SLC11A2: variants seen among roughly 807,000 people sequenced by gnomAD.
The protein encoded by SLC11A2 is solute carrier family 11 member 2.
Under a neutral mutation model 68.0 loss-of-function variants are expected in SLC11A2, and 38 were observed. The observed-to-expected ratio is 0.56, with a 90% confidence interval of 0.43 to 0.73. SLC11A2 has a LOEUF of 0.73. Ranked by LOEUF, SLC11A2 falls within the 30% of genes least tolerant of loss-of-function variation. The pLI is 0.00. For missense variants in SLC11A2, 517 were observed against 690.5 expected, an observed-to-expected ratio of 0.75 and a Z score of 2.82; for synonymous variants, 242 against 250.6, an observed-to-expected ratio of 0.97 and a Z score of 0.32.
chr12:50,954,435 A>G, the SLC11A2 span: 1 of 192,364 alleles, frequency 5.2e-6, no homozygotes, highest in Admixed American at 5.7e-5. Flanking sequence ...TCAGTTTATT[A>G]TATTTAAAGC....
At chr12:51,005,066 T>C (rs1337434223) in intron 4 of SLC11A2, among the ~76,000 whole-genome samples, 159 bp from the exon 5 acceptor site, 1 of 152,268 alleles carries the variant, frequency 6.6e-6, no homozygotes. Context: ...ATTTTGCACA[T>C]GACCTGCTAA....
intron 2 of SLC11A2, chr12:51,009,055 GA>G: frequency 3.1e-6 from 3 of 966,642 alleles, no homozygotes; most frequent in Admixed American, 2.0e-5. Context: ...GCTTTTAAAA[GA>G]AAAGAACTAG....
chr12:50,969,809 GAC>G, the SLC11A2 span, among the ~76,000 whole-genome samples: 1 of 152,058 alleles, frequency 6.6e-6, no homozygotes, highest in Non-Finnish European at 1.5e-5. Flanking sequence ...TGATAACTGA[GAC>G]AGGTATGGGC....
At chr12:50,983,736 G>T (rs1940277337), downstream of SLC11A2, among the ~76,000 whole-genome samples, 1 of 152,144 alleles carries the variant, frequency 6.6e-6, no homozygotes, top group Admixed American at 6.5e-5. Flanking sequence ...ACTTAGGGAG[G>T]CTGAGGTGGG....
the SLC11A2 span, among the ~76,000 whole-genome samples, chr12:50,972,447 T>A: frequency 3.9e-5 from 6 of 152,358 alleles, no homozygotes; most frequent in South Asian, 1.0e-3. Context: ...CAGGAGCACT[T>A]AGAAGGAAAG....
At chr12:51,004,727 C>T (rs1257287732) in intron 5 of SLC11A2, 61 bp downstream of exon 5, 17 of 1,595,424 alleles carry the variant, frequency 1.1e-5, no homozygotes, top group Admixed American at 3.4e-5. Flanking sequence ...CAGCACATAC[C>T]GCCAGACACA....
At chr12:50,970,567 T>C in the SLC11A2 span, 3 of 1,019,872 alleles carry the variant, frequency 2.9e-6, no homozygotes, top group Admixed American at 2.3e-5. Flanking sequence ...TTATGAAGAA[T>C]AAATTTTCAA....
chr12:50,966,462 A>G, the SLC11A2 span, among the ~76,000 whole-genome samples: 151,367 of 152,266 alleles, frequency 0.99, 75,239 homozygotes, highest in Middle Eastern at 1. Flanking sequence ...AAGATGCCTA[A>G]CAGCATCCCT....
At chr12:50,970,769 G>A in the SLC11A2 span, among the ~76,000 whole-genome samples, 1 of 151,978 alleles carries the variant, frequency 6.6e-6, no homozygotes, top group Non-Finnish European at 1.5e-5. Flanking sequence ...TGTAGTTAGT[G>A]GCAGAAAATA....
chr12:50,957,722 T>TA, the SLC11A2 span, among the ~76,000 whole-genome samples: 1 of 151,344 alleles, frequency 6.6e-6, no homozygotes, highest in African/African-American at 2.4e-5. Flanking sequence ...CCATGTCTAC[T>TA]AAAAATACAA....
downstream of SLC11A2, chr12:50,979,892 C>T (rs1395043430): frequency 2.2e-6 from 1 of 454,060 alleles, no homozygotes. Context: ...CACACAAAGG[C>T]TGCAGGATTT....
chr12:50,974,793 A>T (rs921763505), downstream of SLC11A2, among the ~76,000 whole-genome samples: 1 of 152,188 alleles, frequency 6.6e-6, no homozygotes, highest in African/African-American at 2.4e-5. Context: ...GGATGGAGGA[A>T]GATCTACCAA....
At chr12:50,958,428 C>A in the SLC11A2 span, among the ~76,000 whole-genome samples, 1 of 151,294 alleles carries the variant, frequency 6.6e-6, no homozygotes, top group African/African-American at 2.4e-5. Flanking sequence ...ACTACAGGCA[C>A]CCGCCACCAC....
chr12:50,970,569 A>G, the SLC11A2 span: 1 of 979,546 alleles, frequency 1.0e-6, no homozygotes, highest in South Asian at 1.4e-5. Flanking sequence ...ATGAAGAATA[A>G]ATTTTCAATA....
At chr12:51,025,925 C>T in intron 1 of SLC11A2, 4 of 997,468 alleles carry the variant, frequency 4.0e-6, no homozygotes, top group Non-Finnish European at 4.8e-6. Context: ...CCACGAAAGA[C>T]CTTGCCCTGT....
At chr12:51,017,492 AGAAG>A (rs1406744323) in intron 1 of SLC11A2, among the ~76,000 whole-genome samples, 2 of 152,228 alleles carry the variant, frequency 1.3e-5, no homozygotes, top group African/African-American at 2.4e-5. Flanking sequence ...CATCCCTGAG[AGAAG>A]GAAGGAGTAG....
At chr12:51,013,598 G>C (rs1403592978) in intron 1 of SLC11A2, among the ~76,000 whole-genome samples, 1 of 151,760 alleles carries the variant, frequency 6.6e-6, no homozygotes, top group East Asian at 2.0e-4. Flanking sequence ...AAATCACCTG[G>C]GCGTGGTAGT....
In SLC11A2 at chr12:50,990,809, A is replaced by G. The variant is rs777047354; in HGVS notation, c.1561T>C (p.Phe521Leu). 4.1e-5 allele frequency: 66 copies of G among 1,613,996 alleles called. No individual in the cohort carries two copies. The highest frequency in any genetic ancestry group is 1.6e-4 in the Middle Eastern group (1 of 6,084). ...GCTAGACTTACCAAGTAGAACACAA[A>G]GCCCAGATAAGCCACGCTGACCACA... The part of the protein sequence containing the change: ...AAVVSVAYLG[F>L]VFYLGWQCLI... The change falls in exon 15 of 16, where the codon TTT becomes CTT. Residue 521 changes from phenylalanine to leucine, a missense_variant. Physicochemically the swap from Phe to Leu is conservative, Grantham distance 22. Coordinates refer to ENST00000262052, the MANE Select transcript of SLC11A2 (RefSeq NM_000617.3).
intron 6 of SLC11A2, among the ~76,000 whole-genome samples, chr12:50,999,834 C>G (rs375837831): frequency 6.6e-6 from 1 of 151,962 alleles, no homozygotes; most frequent in African/African-American, 2.4e-5. Flanking sequence ...ATGGTGAAAT[C>G]CCGTCTCTAC....
Sources: allele counts gnomAD v4.1 joint callset (sites outside exome capture counted in the v4.1 genomes callset), GRCh38; gene constraint gnomAD v4.1.1; transcripts MANE v1.5; gene names NCBI Gene and HGNC (gene_info 2026-07-23, HGNC 2026-07-21).